Variants in NUP210 observed in about 807,000 individuals in gnomAD.
NUP210 encodes nucleoporin 210, also known as nuclear pore membrane glycoprotein 210.
A neutral mutation model predicts 196.0 loss-of-function variants in NUP210; 151 were observed. That is an observed-to-expected ratio of 0.77 (90% CI 0.67 to 0.88). NUP210 has a LOEUF of 0.88. NUP210 is among the 40% of genes least tolerant of loss of function. The probability of loss-of-function intolerance (pLI) is 0.00; values close to 1 mark genes in which losing one functional copy is unlikely to be tolerated. For missense variants in NUP210, 2,314 were observed against 2,493.7 expected (o/e 0.93, Z 1.53); for synonymous variants, 1,070 against 1,052.7 (o/e 1.02, Z -0.32).
chr3:13,389,138 G>A (rs17038119), intron 4 of NUP210, among the ~76,000 whole-genome samples: 5,195 of 152,314 alleles, frequency 0.034, 123 homozygotes, highest in Middle Eastern at 0.075. Flanking sequence ...ATGCTGGGCC[G>A]CACTGTGATT....
chr3:13,323,539 T>A lies in NUP210; in HGVS notation c.4645-107A>T. On this transcript the variant is annotated intron_variant, in intron 33 of 39. Transcript: ENST00000254508. This position sits in a 1 kb window ranked among gnomAD's most constrained non-coding sequence, Gnocchi z 4.3. ...AGTCTGTGACATAGTGTCACCCGTTTCACAGGTGGCAACACTGAGGCTCAA... is the reference window on the plus strand; with the variant it reads ...AGTCTGTGACATAGTGTCACCCGTTACACAGGTGGCAACACTGAGGCTCAA... 1.5e-6 allele frequency: 2 copies of A among 1,307,346 alleles called. No individual in the cohort carries two copies. The highest frequency in any genetic ancestry group is 1.5e-5 in the African/African-American group (1 of 68,502). 81.0% of individuals were successfully genotyped at this position (1,307,346 alleles called of 1,614,324 possible).
rs1018999209 is a variant in NUP210 at position 13,388,508 on chromosome 3, G to T, written c.534-55C>A. Reference sequence around the variant, plus strand: ...TTGATCAAACCCCAACACAAGATTTGTCAGAATCTACCACAGCATTCCCTA... The same window carrying T: ...TTGATCAAACCCCAACACAAGATTTTTCAGAATCTACCACAGCATTCCCTA... On this transcript the variant is annotated intron_variant, in intron 4 of 39. Transcript: ENST00000254508. 6.5e-6 allele frequency: 10 copies of T among 1,535,558 alleles called. No individual in the cohort carries two copies. The African/African-American group carries it at 1.4e-4, about 21-fold the overall frequency.
intron 18 of NUP210, among the ~76,000 whole-genome samples, chr3:13,352,550 G>A (rs1326772062): frequency 2.6e-5 from 4 of 152,210 alleles, no homozygotes; most frequent in East Asian, 3.9e-4. Context: ...GGCATCGGGG[G>A]AGGGTCCCCT....
chr3:13,328,872 G>A lies in NUP210; in HGVS notation c.4185C>T (p.Ala1395=), dbSNP rs142272883. 1.1e-4 allele frequency: 177 copies of A among 1,614,126 alleles called. No homozygotes were observed. The highest frequency in any genetic ancestry group is 1.3e-4 in the Non-Finnish European group (154 of 1,179,988). The part of the protein sequence containing the change: ...LHTQNKEALV[A]VPLGMTVTFT... ...AGGTCACGGTCATTCCCAAAGGCAC[G>A]GCCACCAGGGCCTCCTTGTTCTGGG... is the stretch of plus-strand genomic sequence containing the variant. Residue 1395 remains alanine (A), a synonymous_variant, in exon 31 of 40, where the codon GCC becomes GCT. Transcript: ENST00000254508.
chr3:13,324,065 GC>G (rs1177251033), intron 33 of NUP210, among the ~76,000 whole-genome samples: 1 of 152,192 alleles, frequency 6.6e-6, no homozygotes, highest in Non-Finnish European at 1.5e-5. Context: ...TGCGATTGAA[GC>G]CCCTGCAGCT....
In NUP210 at chr3:13,373,819, T is replaced by G. The variant is rs909447341; in HGVS notation, c.1486A>C (p.Thr496Pro). The G allele has an allele frequency of 1.9e-6, 3 of 1,614,090 alleles. No individual in the cohort carries two copies. Among genetic ancestry groups the G allele is most frequent in the Non-Finnish European group, 2.5e-6 (3 of 1,179,986 alleles). Residue 496 changes from threonine to proline, a missense_variant, in exon 12 of 40, where the codon ACA (threonine) becomes CCA (proline). Coordinates refer to ENST00000254508, the MANE Select transcript of NUP210 (RefSeq NM_024923.4). ...SWSSSSHLVA[T>P]VTVKGVMTTG... is the part of the protein sequence containing the mutation. ...GTCATCACGCCCTTGACAGTAACTG[T>G]GGCAACCAGGTGGCTTGACGAAGAC...
chr3:13,365,651 T>C (rs1480750161), intron 14 of NUP210, among the ~76,000 whole-genome samples: 2 of 152,182 alleles, frequency 1.3e-5, no homozygotes, highest in Non-Finnish European at 2.9e-5. Context: ...CTGAAGCCCT[T>C]GCAGCCCACA....
chr3:13,384,033 G>A (rs936789072), intron 6 of NUP210, among the ~76,000 whole-genome samples: 4 of 152,120 alleles, frequency 2.6e-5, no homozygotes, highest in Non-Finnish European at 5.9e-5. Context: ...CGCAATCTCG[G>A]CTCACTGCAA....
chr3:13,407,573 A>C (rs1368673053), intron 1 of NUP210, among the ~76,000 whole-genome samples: 1 of 150,718 alleles, frequency 6.6e-6, no homozygotes, highest in Non-Finnish European at 1.5e-5. Context: ...CCTGCCTCCC[A>C]CTCCTCCCTC....
In NUP210 at chr3:13,377,459, A is replaced by G. The variant is rs1200453828; in HGVS notation, c.1149T>C (p.Ser383=). Residue 383 remains serine (S), a synonymous_variant, in exon 9 of 40, where the codon TCT becomes TCC. Transcript: ENST00000254508. ...CAGGACCTGAACAGGCACTCACGTCAGATACATAGACCTTGTTGCTGAACT... is the reference window on the plus strand; with the variant it reads ...CAGGACCTGAACAGGCACTCACGTCGGATACATAGACCTTGTTGCTGAACT... The part of the protein sequence containing the change: ...FDKFSNKVYV[S]DNIRIETVLP... The G allele has an allele frequency of 6.2e-6, 10 of 1,610,556 alleles. No individual in the cohort carries two copies. The highest frequency in any genetic ancestry group is 1.3e-5 in the African/African-American group (1 of 74,960).
intron 2 of NUP210, among the ~76,000 whole-genome samples, chr3:13,398,622 T>C (rs965132264): frequency 6.6e-6 from 1 of 152,128 alleles, no homozygotes; most frequent in African/African-American, 2.4e-5. Flanking sequence ...CAACCTCCTG[T>C]TAAGAATATT....
intron 1 of NUP210, among the ~76,000 whole-genome samples, chr3:13,406,670 G>A (rs953605353): frequency 6.6e-6 from 1 of 152,132 alleles, no homozygotes; most frequent in Non-Finnish European, 1.5e-5. Flanking sequence ...AGAGTCCGGC[G>A]ACTTTTCTGA....
At chr3:13,355,338 T>G (rs867431013) in intron 16 of NUP210, among the ~76,000 whole-genome samples, 7 of 152,218 alleles carry the variant, frequency 4.6e-5, no homozygotes, top group African/African-American at 1.7e-4. Context: ...GAAGCTTCAC[T>G]GCCAGATCCC....
chr3:13,332,194 C>T, intron 29 of NUP210, 99 bp downstream of exon 29: 1 of 959,866 alleles, frequency 1.0e-6, no homozygotes, highest in South Asian at 1.4e-5. Context: ...AGAAAACCTC[C>T]CTGAAAGTAC....
Position 13,348,839 on chromosome 3 carries a change from C to T in NUP210, c.2835+3040G>A, listed in dbSNP as rs1045328905. ...TCTTTGCAAGACAGCTGGAGACCAA[C>T]ATCAAACGCTGAAGGAAGGTTTTCG... On this transcript the variant is annotated intron_variant, in intron 20 of 39. Transcript: ENST00000254508. The surrounding 1 kb of genome is among the most constrained non-coding windows in gnomAD (Gnocchi z 4.0). 57 of 985,306 alleles carry T rather than the reference C, an allele frequency of 5.8e-5. No homozygotes were observed. Among genetic ancestry groups the T allele is most frequent in the Middle Eastern group, 5.2e-4 (1 of 1,936 alleles). The allele number at this position is 985,306 out of a possible 1,614,324, so 61.0% of individuals were successfully genotyped here.
intron 1 of NUP210, among the ~76,000 whole-genome samples, chr3:13,405,360 G>A (rs985163196): frequency 5.9e-5 from 9 of 152,116 alleles, no homozygotes. Flanking sequence ...TCTGGGTCTT[G>A]AGCCTGCTGG....
At chr3:13,384,713 C>T (rs1022404814) in intron 6 of NUP210, among the ~76,000 whole-genome samples, 4 of 152,242 alleles carry the variant, frequency 2.6e-5, no homozygotes, top group Non-Finnish European at 5.9e-5. Flanking sequence ...ATTTCTTGAT[C>T]AGTGTTCATG....
intron 1 of NUP210, among the ~76,000 whole-genome samples, chr3:13,411,122 C>T (rs2124962442): frequency 6.6e-6 from 1 of 152,106 alleles, no homozygotes; most frequent in Admixed American, 6.5e-5. Flanking sequence ...GTCCCAACTA[C>T]TCTAAAGGCT....
At position 13,321,709 on chromosome 3, in the gene NUP210, A is replaced by T; in HGVS notation, c.5042T>A (p.Val1681Glu). ...LSSSHFSTEQ[V>E]GAEVPFSPGL... Reference sequence around the variant, plus strand: ...TGGGCTGAAGGGCACCTCGGCCCCCACCTGCTCTGTGGAGAAGTGGCTGCT... The same window carrying T: ...TGGGCTGAAGGGCACCTCGGCCCCCTCCTGCTCTGTGGAGAAGTGGCTGCT... Residue 1681 changes from valine to glutamate, a missense_variant, in exon 36 of 40, where the codon GTG becomes GAG. Coordinates refer to ENST00000254508, the MANE Select transcript of NUP210 (RefSeq NM_024923.4). 3 of 1,614,094 alleles carry T rather than the reference A, an allele frequency of 1.9e-6. No individual in the cohort carries two copies. Among genetic ancestry groups the T allele is most frequent in the Non-Finnish European group, 2.5e-6 (3 of 1,180,016 alleles).
Sources: gnomAD v4.1 joint callset for allele counts (sites outside exome capture counted in the v4.1 genomes callset) on GRCh38, gnomAD v4.1.1 for gene constraint, Gnocchi (gnomAD v3.1) non-coding constraint, MANE v1.5 for transcripts, NCBI Gene and HGNC (gene_info 2026-07-23, HGNC 2026-07-21) for gene names.